Variants in ZFC3H1 observed in about 807,000 individuals in gnomAD.
The protein encoded by ZFC3H1 is zinc finger C3H1-type containing.
In ZFC3H1, 71 loss-of-function variants were observed where a neutral mutation model predicts 243.7. That is an observed-to-expected ratio of 0.29 (90% CI 0.24 to 0.36). ZFC3H1 has a LOEUF of 0.36. Ranked by LOEUF, ZFC3H1 falls within the 10% of genes least tolerant of loss-of-function variation. The pLI is 1.00. For synonymous variants in ZFC3H1, 838 were observed against 813.0 expected (o/e 1.03, Z -0.52); for missense variants, 1,966 against 2,317.1 (o/e 0.85, Z 3.11).
At chr12:71,662,845 T>C (rs1297559387) in intron 1 of ZFC3H1, 168 bp downstream of exon 1, 7 of 742,136 alleles carry the variant, frequency 9.4e-6, no homozygotes, top group Non-Finnish European at 1.6e-5. Context: ...AGAATAACGC[T>C]ATAGTGTGAC....
At chr12:71,648,935 C>A (rs1880801600) in intron 2 of ZFC3H1, among the ~76,000 whole-genome samples, 1 of 151,544 alleles carries the variant, frequency 6.6e-6, no homozygotes, top group African/African-American at 2.4e-5. Context: ...ACTGAAAATA[C>A]AAAAAATTAG....
chr12:71,629,781 C>T (rs73146243), intron 18 of ZFC3H1, 71 bp from the exon 19 acceptor site: 155 of 984,344 alleles, frequency 1.6e-4, no homozygotes, highest in Non-Finnish European at 2.1e-4. Context: ...AAATGTATGA[C>T]GTGAACTAGT....
rs200006332 is a variant in ZFC3H1, at chr12:71,629,056, G to A, written c.3827-19C>T. 7 of 1,568,246 alleles carry A rather than the reference G, an allele frequency of 4.5e-6. No individual in the cohort carries two copies. The highest frequency in any genetic ancestry group is 6.0e-6 in the Non-Finnish European group (7 of 1,161,530). On this transcript the variant is annotated intron_variant, in intron 19 of 34. Transcript: ENST00000378743. ...GGAGGAGCTAAAGTAGATAGGAGAA[G>A]ATTGTTAATTGATATAACTAGTTTT... is the stretch of plus-strand genomic sequence containing the variant.
At chr12:71,616,723 GA>G (rs1879902953) in intron 27 of ZFC3H1, among the ~76,000 whole-genome samples, 1 of 152,046 alleles carries the variant, frequency 6.6e-6, no homozygotes. Context: ...AATTGCAAGG[GA>G]ACAAGTCTTA....
chr12:71,620,175 A>G lies in ZFC3H1; in HGVS notation c.4850+35T>C. 3.1e-6 allele frequency: 5 copies of G among 1,612,598 alleles called. No homozygotes were observed. The South Asian group carries it at 4.4e-5, about 14-fold the overall frequency. On this transcript the variant is annotated intron_variant, in intron 25 of 34. Coordinates refer to ENST00000378743, the MANE Select transcript of ZFC3H1 (RefSeq NM_144982.5). ...TAAAGACATGAAAAGATCACTTTTTAATATAAGGTTAGCTGCTTGGCAATT... is the reference window on the plus strand; with the variant it reads ...TAAAGACATGAAAAGATCACTTTTTGATATAAGGTTAGCTGCTTGGCAATT...
chr12:71,634,675 T>C (rs368893797), intron 11 of ZFC3H1, 29 bp downstream of exon 11: 12 of 1,569,970 alleles, frequency 7.6e-6, no homozygotes, highest in Non-Finnish European at 4.3e-6. Context: ...CACATACTTT[T>C]AATGTTAATT....
intron 30 of ZFC3H1, among the ~76,000 whole-genome samples, 183 bp downstream of exon 30, chr12:71,614,352 C>CTTT (rs1191411344): frequency 6.6e-6 from 1 of 151,776 alleles, no homozygotes; most frequent in Non-Finnish European, 1.5e-5. Flanking sequence ...TTAATTGTGC[C>CTTT]TTAAAGGGCT....
At chr12:71,619,273 C>G in intron 27 of ZFC3H1, 42 bp downstream of exon 27, 3 of 1,553,488 alleles carry the variant, frequency 1.9e-6, no homozygotes, top group Non-Finnish European at 2.6e-6. Flanking sequence ...CTGAACTGTG[C>G]TCTCTCTCAT....
At position 71,643,393 on chromosome 12, in the gene ZFC3H1, C is replaced by T. The variant is rs1329017323; in HGVS notation, c.1503+702G>A. On this transcript the variant is annotated intron_variant, in intron 5 of 34. Coordinates refer to ENST00000378743, the MANE Select transcript of ZFC3H1 (RefSeq NM_144982.5). The stretch of plus-strand genomic sequence containing the variant: ...TGCCATTGCACTCCAGCCTGGGCAA[C>T]AAGAGTAAGACTCCATCTCAAAAAA... 1.3e-5 allele frequency among the ~76,000 whole-genome samples: 2 copies of T among 148,664 alleles called. 1 individual carries two copies. The highest frequency in any genetic ancestry group is 4.2e-4 in the South Asian group (2 of 4,732).
At chr12:71,647,398 C>T (rs1480571892) in intron 3 of ZFC3H1, among the ~76,000 whole-genome samples, 2 of 152,102 alleles carry the variant, frequency 1.3e-5, no homozygotes, top group Admixed American at 1.3e-4. Context: ...TAGAATTTGA[C>T]ACCAGGTGAA....
intron 31 of ZFC3H1, among the ~76,000 whole-genome samples, chr12:71,612,892 G>A (rs1879806683): frequency 6.6e-6 from 1 of 152,180 alleles, no homozygotes. Flanking sequence ...AAAATGTAGT[G>A]TGAGGGCTCA....
rs2288964 is a variant in ZFC3H1, at chr12:71,619,688, G to A, written c.5049+238C>T. Among the ~76,000 whole-genome samples, 1,428 of 152,234 alleles carry A rather than the reference G, an allele frequency of 9.4e-3. 27 individuals are homozygous for A. Among genetic ancestry groups the A allele is most frequent in the African/African-American group, 0.029 (1,224 of 41,520 alleles). On this transcript the variant is annotated intron_variant, in intron 26 of 34. Transcript: ENST00000378743. ...TTAGCCATCTAGCACCATGGTAGGC[G>A]TTGGGCTGCAAATATGAGTAAACAT...
intron 33 of ZFC3H1, 128 bp from the exon 34 acceptor site, chr12:71,610,885 G>A: frequency 7.1e-7 from 1 of 1,413,076 alleles, no homozygotes; most frequent in South Asian, 1.3e-5. Flanking sequence ...GAGTTTTGGA[G>A]TTTCCGAATA....
In ZFC3H1 at chr12:71,647,744, C is replaced by A; in HGVS notation, c.1080+5G>T. 2 of 1,470,250 alleles carry A rather than the reference C, an allele frequency of 1.4e-6. No individual in the cohort carries two copies. Among genetic ancestry groups the A allele is most frequent in the East Asian group, 2.4e-5 (1 of 41,592 alleles). 91.1% of individuals were successfully genotyped at this position (1,470,250 alleles called of 1,614,324 possible). A position where few individuals can be genotyped will look rare whatever the true frequency, so the allele number is the denominator to read the frequency against. ...AGATGATAGTCTCACAAAGCAGTAT[C>A]TTACCTTTTCAGACAGAATATCTGA... On this transcript the variant is annotated splice_donor_5th_base_variant and intron_variant, in intron 3 of 34. Coordinates refer to ENST00000378743, the MANE Select transcript of ZFC3H1 (RefSeq NM_144982.5).
chr12:71,628,861 T>G (rs543800745), intron 20 of ZFC3H1, 57 bp downstream of exon 20: 1 of 1,508,798 alleles, frequency 6.6e-7, no homozygotes, highest in African/African-American at 1.4e-5. Context: ...AAGTGTTAAA[T>G]AAAGATGGAA....
At chr12:71,627,960 C>G in intron 20 of ZFC3H1, 26 bp from the exon 21 acceptor site, 3 of 1,598,370 alleles carry the variant, frequency 1.9e-6, no homozygotes, top group Non-Finnish European at 2.6e-6. Context: ...GTATTATTAG[C>G]TTCACATTTT....
rs1879729056 is a variant in ZFC3H1, at chr12:71,610,015, CT to C, written c.*412del. 6.5e-6 allele frequency: 1 copy of C among 153,214 alleles called. No individual in the cohort carries two copies. Among genetic ancestry groups the C allele is most frequent in the Admixed American group, 6.6e-5 (1 of 15,262 alleles). The allele number at this position is 153,214 out of a possible 1,614,324, so 9.5% of individuals were successfully genotyped here. On this transcript the variant is annotated 3_prime_UTR_variant, in exon 35 of 35. Coordinates refer to ENST00000378743, the MANE Select transcript of ZFC3H1 (RefSeq NM_144982.5). ...TAAAAGGGACTGCCTGCTTTTTTTA[CT>C]GTAAACACAGCCCTGGATATTAAAT...
At chr12:71,621,260 A>G (rs1269594540) in intron 24 of ZFC3H1, among the ~76,000 whole-genome samples, 1 of 152,138 alleles carries the variant, frequency 6.6e-6, no homozygotes, top group Non-Finnish European at 1.5e-5. Context: ...ATAACACTCA[A>G]ATCCACTTAT....
At position 71,634,843 on chromosome 12, in the gene ZFC3H1, T is replaced by C. The variant is rs200483825; in HGVS notation, c.2239-18A>G. ...GAAGCTTGCTAAAAAAAAAAAAACA[T>C]TTGAAGTCAACTAGATCATCAGCTT... On this transcript the variant is annotated intron_variant, in intron 10 of 34. Transcript: ENST00000378743. 29 of 1,572,952 alleles carry C rather than the reference T, an allele frequency of 1.8e-5. No homozygotes were observed. In the African/African-American group the frequency reaches 2.5e-4, roughly 14 times the overall value.
Sources: gnomAD v4.1 joint callset for allele counts (sites outside exome capture counted in the v4.1 genomes callset) on GRCh38, gnomAD v4.1.1 for gene constraint, MANE v1.5 for transcripts, NCBI Gene and HGNC (gene_info 2026-07-23, HGNC 2026-07-21) for gene names.